DAP3: variants seen among roughly 807,000 people sequenced by gnomAD.
DAP3 encodes death associated protein 3, also known as small ribosomal subunit protein mS29.
A neutral mutation model predicts 51.9 loss-of-function variants in DAP3; 28 were observed. That is an observed-to-expected ratio of 0.54 (90% confidence interval 0.40 to 0.74). DAP3 has a LOEUF of 0.74. Ranked by LOEUF, DAP3 falls within the 30% of genes least tolerant of loss-of-function variation. DAP3 has a pLI of 0.00. For missense variants in DAP3, 458 were observed against 483.5 expected (o/e 0.95, Z 0.49); for synonymous variants, 170 against 170.3 (o/e 1.00, Z 0.01).
upstream of DAP3, chr1:155,689,014 C>A: frequency 6.3e-7 from 1 of 1,587,628 alleles, no homozygotes; most frequent in African/African-American, 1.3e-5. Flanking sequence ...GCCTAGCGCC[C>A]CTCTGCCGGC....
At chr1:155,736,741 G>T (rs776234657) in intron 11 of DAP3, 71 of 555,236 alleles carry the variant, frequency 1.3e-4, no homozygotes, top group South Asian at 1.2e-3. Flanking sequence ...TATAGCATTT[G>T]TGGCCACGTA....
chr1:155,699,023 G>A lies in DAP3; in HGVS notation c.-8+9849G>A, dbSNP rs565975143. Among the ~76,000 whole-genome samples the A allele has an allele frequency of 1.0e-3, 158 of 152,260 alleles. 1 individual carries two copies. The highest frequency in any genetic ancestry group is 2.7e-3 in the African/African-American group (114 of 41,546). On this transcript the variant is annotated intron_variant, in intron 1 of 12. Transcript: ENST00000368336. ...ACCATCCGTAGGGTACCTGAAGTCCGGTGGCGACAAAGGAATGAGAAGAGA... is the reference window on the plus strand; with the variant it reads ...ACCATCCGTAGGGTACCTGAAGTCCAGTGGCGACAAAGGAATGAGAAGAGA...
At position 155,731,488 on chromosome 1, in the gene DAP3, T is replaced by C. The variant is rs982042695; in HGVS notation, c.903+73T>C. 17 of 1,447,572 alleles carry C rather than the reference T, an allele frequency of 1.2e-5. No individual in the cohort carries two copies. The Middle Eastern group carries it at 5.2e-4, about 44-fold the overall frequency. 89.7% of individuals were successfully genotyped at this position (1,447,572 alleles called of 1,614,324 possible). A position where few individuals can be genotyped will look rare whatever the true frequency, so the allele number is the denominator to read the frequency against. On this transcript the variant is annotated intron_variant, in intron 10 of 12. Transcript: ENST00000368336. ...ATTTTAAACATGTTCTACTATTTCA[T>C]TGCTAATACTTTACAGTCTCTAATT...
chr1:155,704,531 A>G (rs1655707224), intron 1 of DAP3, among the ~76,000 whole-genome samples: 1 of 152,172 alleles, frequency 6.6e-6, no homozygotes, highest in African/African-American at 2.4e-5. Context: ...TGCACTCTAG[A>G]AAAGGAGCCC....
chr1:155,701,143 C>T (rs1655225659), intron 1 of DAP3, among the ~76,000 whole-genome samples: 1 of 119,380 alleles, frequency 8.4e-6, no homozygotes, highest in Non-Finnish European at 1.6e-5. Flanking sequence ...AAGTGAGTAG[C>T]CCCTCTGCCC....
chr1:155,702,108 T>TA (rs58504391), intron 1 of DAP3, among the ~76,000 whole-genome samples: 7,037 of 88,878 alleles, frequency 0.079, 243 homozygotes, highest in Non-Finnish European at 0.12. Flanking sequence ...ATCATGCCTG[T>TA]AAAAAAAAAA....
intron 9 of DAP3, among the ~76,000 whole-genome samples, chr1:155,730,623 T>TA (rs1260919798): frequency 6.8e-6 from 1 of 147,888 alleles, no homozygotes; most frequent in Admixed American, 6.7e-5. Context: ...CTCAAAAAAA[T>TA]AAAAAAAAAG....
At chr1:155,736,895 T>C (rs1659862521) in intron 11 of DAP3, 51 bp from the exon 12 acceptor site, 4 of 1,405,372 alleles carry the variant, frequency 2.8e-6, no homozygotes, top group Non-Finnish European at 4.0e-6. Flanking sequence ...TCTGTCTGTC[T>C]GGTGCTTTGT....
chr1:155,738,349 C>A lies in DAP3; in HGVS notation c.*107C>A. ...CAGGAAGAGGAGCCAGGCCCTTGTA[C>A]CTATGGGATTGGACAGGACTGCAGT... On this transcript the variant is annotated 3_prime_UTR_variant, in exon 13 of 13. Transcript: ENST00000368336. The A allele has an allele frequency of 8.1e-7, 1 of 1,240,774 alleles. No individual in the cohort carries two copies. The highest frequency in any genetic ancestry group is 1.1e-6 in the Non-Finnish European group (1 of 878,620). The allele number at this position is 1,240,774 out of a possible 1,614,324, so 76.9% of individuals were successfully genotyped here. A position where few individuals can be genotyped will look rare whatever the true frequency, so the allele number is the denominator to read the frequency against.
At chr1:155,708,540 G>GTTTTTTT (rs151238139) in intron 1 of DAP3, among the ~76,000 whole-genome samples, 28 of 103,248 alleles carry the variant, frequency 2.7e-4, no homozygotes, top group Non-Finnish European at 3.7e-4. Context: ...TTCTGTTTTT[G>GTTTTTTT]TTTTTTTTTT....
At position 155,713,392 on chromosome 1, in the gene DAP3, G is replaced by A. The variant is rs543028753; in HGVS notation, c.45+3568G>A. The stretch of plus-strand genomic sequence containing the variant: ...CAAAGCTGGAGCAACTCTAGTACTT[G>A]ACAGTTACTTTATATTAAAATCTAC... On this transcript the variant is annotated intron_variant, in intron 2 of 12. Transcript: ENST00000368336. 2.6e-5 allele frequency among the ~76,000 whole-genome samples: 4 copies of A among 152,320 alleles called. No homozygotes were observed. In the South Asian group the frequency reaches 8.3e-4, roughly 32 times the overall value.
At chr1:155,736,679 G>T (rs1482165395) in intron 11 of DAP3, 3 of 409,680 alleles carry the variant, frequency 7.3e-6, no homozygotes, top group Non-Finnish European at 1.3e-5. Context: ...AGCCTCCCAA[G>T]GTGCTGGGAT....
intron 1 of DAP3, among the ~76,000 whole-genome samples, chr1:155,695,808 A>C (rs1334477295): frequency 6.6e-6 from 1 of 152,234 alleles, no homozygotes; most frequent in African/African-American, 2.4e-5. Flanking sequence ...ACTTTACCAC[A>C]AGGTCCCACA....
At position 155,721,516 on chromosome 1, in the gene DAP3, G is replaced by A; in HGVS notation, c.169-1G>A. The A allele has an allele frequency of 6.2e-7, 1 of 1,613,496 alleles. No homozygotes were observed. The highest frequency in any genetic ancestry group is 1.7e-5 in the Admixed American group (1 of 59,896). On this transcript the variant is annotated splice_acceptor_variant, in intron 3 of 12. Transcript: ENST00000368336. LOFTEE classifies it high-confidence loss of function. ...TACCTGTTTGCACTCTTATTTCCTA[G>A]GCCAAGCATGGGGATCAGCACGAGG...
At chr1:155,688,275 C>CA, upstream of DAP3, 3 of 1,592,266 alleles carry the variant, frequency 1.9e-6, no homozygotes, top group Non-Finnish European at 2.6e-6. Flanking sequence ...GCGGATCCCG[C>CA]AACCGACACT....
chr1:155,721,043 A>G (rs980693931), intron 3 of DAP3, among the ~76,000 whole-genome samples: 1 of 147,842 alleles, frequency 6.8e-6, no homozygotes, highest in African/African-American at 2.5e-5. Flanking sequence ...TCTCAAAAAA[A>G]AAAGAAGACA....
At position 155,717,096 on chromosome 1, in the gene DAP3, A is replaced by G; in HGVS notation, c.136A>G (p.Arg46Gly). ...TAACCAGGTTCCAGTTGAGAGTCCG[A>G]GAGCTATTTCCCGCACCAATGAGAA... Reference protein sequence around the residue: ...LDNQVPVESPRAISRTNENDP... With the variant: ...LDNQVPVESPGAISRTNENDP... The change falls in exon 3 of 13, where the codon AGA becomes GGA. Residue 46 changes from arginine (R) to glycine (G), a missense_variant. Transcript: ENST00000368336. 1 of 1,614,148 alleles carries G rather than the reference A, an allele frequency of 6.2e-7. No individual in the cohort carries two copies. Among genetic ancestry groups the G allele is most frequent in the Non-Finnish European group, 8.5e-7 (1 of 1,180,036 alleles).
chr1:155,732,103 C>T, intron 11 of DAP3, 70 bp downstream of exon 11: 1 of 1,346,214 alleles, frequency 7.4e-7, no homozygotes, highest in Non-Finnish European at 1.0e-6. Flanking sequence ...TTTTATTAAT[C>T]TATGTATTTT....
chr1:155,729,342 T>C lies in DAP3; in HGVS notation c.819T>C (p.Thr273=). 1.2e-6 allele frequency: 2 copies of C among 1,613,964 alleles called. No individual in the cohort carries two copies. The highest frequency in any genetic ancestry group is 1.7e-6 in the Non-Finnish European group (2 of 1,179,964). Residue 273 remains threonine (T), a synonymous_variant, in exon 9 of 13, where the codon ACT becomes ACC. Transcript: ENST00000368336. ...DGINALWGRT[T]LKREDKSPIA... is the part of the protein sequence containing the mutation. ...TCAATGCTCTTTGGGGAAGAACCAC[T>C]CTGAAAAGAGAAGATAAAAGCCCGG...
Sources: gnomAD v4.1 joint callset for allele counts (sites outside exome capture counted in the v4.1 genomes callset) on GRCh38, gnomAD v4.1.1 for gene constraint, MANE v1.5 for transcripts, NCBI Gene and HGNC (gene_info 2026-07-23, HGNC 2026-07-21) for gene names.